Variants in CALN1 observed in about 807,000 individuals in gnomAD.
CALN1 encodes calneuron 1, also known as calcium-binding protein 8.
A neutral mutation model predicts 30.6 loss-of-function variants in CALN1; 17 were observed. The ratio of observed to expected loss-of-function variants is 0.56; its 90% CI spans 0.38 to 0.83. The LOEUF (loss-of-function observed/expected upper bound fraction) is 0.83. Ranked by LOEUF, CALN1 falls within the 40% of genes least tolerant of loss-of-function variation. The probability of loss-of-function intolerance (pLI) is 0.00; values close to 1 mark genes in which losing one functional copy is unlikely to be tolerated. For missense variants in CALN1, 291 were observed against 354.9 expected (o/e 0.82, Z 1.45); for synonymous variants, 156 against 131.4 (o/e 1.19, Z -1.28).
At chr7:72,430,674 G>A (rs911577018) in intron 1 of CALN1, among the ~76,000 whole-genome samples, 3 of 152,092 alleles carry the variant, frequency 2.0e-5, no homozygotes, top group Non-Finnish European at 2.9e-5. Flanking sequence ...AAGGTGAGCC[G>A]AGCACCAACC....
chr7:71,939,403 C>CAAAA (rs56368426), intron 5 of CALN1, among the ~76,000 whole-genome samples: 5 of 105,458 alleles, frequency 4.7e-5, no homozygotes, highest in East Asian at 2.7e-4. Flanking sequence ...ACTAAAAATA[C>CAAAA]AAAAAAAAAA....
At chr7:72,422,362 G>A (rs1475354251) in intron 1 of CALN1, among the ~76,000 whole-genome samples, 7 of 152,144 alleles carry the variant, frequency 4.6e-5, no homozygotes, top group Non-Finnish European at 8.8e-5. Flanking sequence ...GTTTTGATTT[G>A]CATTTCCCCG....
intron 2 of CALN1, among the ~76,000 whole-genome samples, chr7:72,289,771 T>C (rs1213081490): frequency 6.6e-6 from 1 of 152,050 alleles, no homozygotes; most frequent in East Asian, 1.9e-4. Context: ...ACTTATTTCA[T>C]TGTAAGTTCA....
intron 3 of CALN1, among the ~76,000 whole-genome samples, chr7:72,222,858 C>G (rs1401963698): frequency 7.7e-6 from 1 of 129,226 alleles, no homozygotes; most frequent in East Asian, 2.0e-4. Context: ...CTATCTTGAT[C>G]AAAACCATAC....
chr7:72,262,820 A>C (rs900322073), intron 3 of CALN1, among the ~76,000 whole-genome samples: 1 of 152,168 alleles, frequency 6.6e-6, no homozygotes, highest in African/African-American at 2.4e-5. Flanking sequence ...TCTCTCTGGC[A>C]ATTTAAGTCT....
intron 4 of CALN1, among the ~76,000 whole-genome samples, chr7:72,031,759 T>G (rs1343049358): frequency 7.8e-6 from 1 of 128,008 alleles, no homozygotes; most frequent in Non-Finnish European, 1.5e-5. Flanking sequence ...TTTTTTTTTT[T>G]GAGACAGAAA....
intron 1 of CALN1, among the ~76,000 whole-genome samples, chr7:72,410,494 C>T (rs944326874): frequency 1.3e-5 from 2 of 152,138 alleles, no homozygotes; most frequent in African/African-American, 4.8e-5. Context: ...TTAGATATCA[C>T]GGAAATAAAA....
intron 2 of CALN1, among the ~76,000 whole-genome samples, chr7:72,323,677 A>AAT (rs1554370676): frequency 3.9e-4 from 53 of 134,894 alleles, no homozygotes; most frequent in South Asian, 7.5e-4. Context: ...AAAAAAAATA[A>AAT]AAAATAAAGA....
intron 3 of CALN1, among the ~76,000 whole-genome samples, chr7:72,195,967 G>T (rs1017543190): frequency 3.3e-5 from 5 of 152,146 alleles, no homozygotes; most frequent in Non-Finnish European, 7.3e-5. Context: ...TACACTCAAT[G>T]AAAGAATATT....
At chr7:72,180,055 T>C (rs1049756886) in intron 3 of CALN1, among the ~76,000 whole-genome samples, 1 of 152,094 alleles carries the variant, frequency 6.6e-6, no homozygotes, top group Non-Finnish European at 1.5e-5. Context: ...TGCCCCACCC[T>C]CCCCAGCTGC....
chr7:72,239,691 C>T (rs1459905326), intron 3 of CALN1, among the ~76,000 whole-genome samples: 1 of 81,232 alleles, frequency 1.2e-5, no homozygotes, highest in Non-Finnish European at 2.4e-5. Context: ...TGGGATGCTA[C>T]AGAAAAAAAA....
intron 2 of CALN1, among the ~76,000 whole-genome samples, chr7:72,384,113 G>A (rs1321508625): frequency 6.6e-6 from 1 of 152,214 alleles, no homozygotes; most frequent in African/African-American, 2.4e-5. Context: ...ATGACTTGGA[G>A]GAAGGAGGCG....
chr7:71,872,612 CTTTTT>C (rs34514644), intron 5 of CALN1, among the ~76,000 whole-genome samples: 1 of 150,226 alleles, frequency 6.7e-6, no homozygotes, highest in African/African-American at 2.5e-5. Context: ...ACTTTTCTTT[CTTTTT>C]TTCTTTTTTT....
chr7:71,922,563 ATATAAATATATAACACACAGAATG>A (rs1166008308), intron 5 of CALN1, among the ~76,000 whole-genome samples: 245 of 141,566 alleles, frequency 1.7e-3, no homozygotes, highest in Non-Finnish European at 2.8e-3. Context: ...CACAGATTAT[ATATAAATATATAACACACAGAATG>A]TATTATATAT....
At chr7:72,346,735 C>T (rs1175082802) in intron 2 of CALN1, among the ~76,000 whole-genome samples, 1 of 152,052 alleles carries the variant, frequency 6.6e-6, no homozygotes, top group East Asian at 1.9e-4. Context: ...AGGCTGGTCT[C>T]GAACTCCTGA....
At chr7:72,200,263 T>A (rs1791327705) in intron 3 of CALN1, among the ~76,000 whole-genome samples, 1 of 151,988 alleles carries the variant, frequency 6.6e-6, no homozygotes, top group Admixed American at 6.6e-5. Context: ...CAGCCAGGGG[T>A]GAATCCCAGC....
intron 2 of CALN1, among the ~76,000 whole-genome samples, chr7:72,288,136 G>A (rs563837852): frequency 6.6e-6 from 1 of 152,138 alleles, no homozygotes; most frequent in Non-Finnish European, 1.5e-5. Flanking sequence ...GACACTGACT[G>A]GGGCCACCAT....
intron 3 of CALN1, among the ~76,000 whole-genome samples, chr7:72,161,579 A>T (rs1244841486): frequency 6.6e-6 from 1 of 152,224 alleles, no homozygotes. Flanking sequence ...TGGTGGCTGG[A>T]GGAAACAGAC....
the CALN1 span, among the ~76,000 whole-genome samples, chr7:72,482,123 G>A: frequency 6.6e-6 from 1 of 152,082 alleles, no homozygotes; most frequent in African/African-American, 2.4e-5. Context: ...TTGTTATTGT[G>A]AAATCAACTT....
Sources: allele counts gnomAD v4.1 joint callset (sites outside exome capture counted in the v4.1 genomes callset), GRCh38; gene constraint gnomAD v4.1.1; transcripts MANE v1.5; gene names NCBI Gene and HGNC (gene_info 2026-07-23, HGNC 2026-07-21).